SPAST: variants seen among roughly 807,000 people sequenced by gnomAD.
The protein encoded by SPAST is spastin.
SPAST carries 30 observed loss-of-function variants against 76.6 expected under a neutral mutation model. The observed-to-expected ratio is 0.39, with a 90% CI of 0.29 to 0.53. The LOEUF (loss-of-function observed/expected upper bound fraction) is 0.53, where lower values mean the gene tolerates loss of function less well. Among genes scored for constraint, SPAST ranks in the 20% least tolerant of loss-of-function variants. The probability of loss-of-function intolerance (pLI) is 0.68; values close to 1 mark genes in which losing one functional copy is unlikely to be tolerated. For synonymous variants in SPAST, 305 were observed against 281.0 expected (o/e 1.09, Z -0.86); for missense variants, 717 against 770.5 (o/e 0.93, Z 0.82).
intron 9 of SPAST, among the ~76,000 whole-genome samples, chr2:32,136,273 A>G (rs781337872): frequency 1.6e-4 from 25 of 152,160 alleles, no homozygotes; most frequent in Admixed American, 6.5e-4. Context: ...CCCTTTTCTC[A>G]CTAGTTATAT....
intron 16 of SPAST, among the ~76,000 whole-genome samples, chr2:32,150,975 G>A (rs548525888): frequency 8.1e-6 from 1 of 122,712 alleles, no homozygotes; most frequent in African/African-American, 3.1e-5. Context: ...ACTGAGTTTC[G>A]CTGTTGTTGC....
intron 15 of SPAST, among the ~76,000 whole-genome samples, chr2:32,146,704 A>G (rs531119775): frequency 1.3e-5 from 2 of 151,996 alleles, no homozygotes; most frequent in South Asian, 4.1e-4. Context: ...ATCTCTACTG[A>G]AAATACAAAA....
intron 4 of SPAST, among the ~76,000 whole-genome samples, chr2:32,103,435 T>G (rs2148721332): frequency 6.6e-6 from 1 of 152,274 alleles, no homozygotes; most frequent in East Asian, 1.9e-4. Flanking sequence ...ATTCATTGAT[T>G]TTTTGAAAGG....
At chr2:32,081,386 G>A (rs1023105944) in intron 1 of SPAST, among the ~76,000 whole-genome samples, 5 of 152,120 alleles carry the variant, frequency 3.3e-5, no homozygotes, top group East Asian at 1.9e-4. Context: ...GAGCCACCAC[G>A]CCTGGCTGTG....
intron 4 of SPAST, among the ~76,000 whole-genome samples, chr2:32,113,958 T>A (rs555720899): frequency 3.0e-4 from 46 of 151,996 alleles, no homozygotes; most frequent in African/African-American, 8.7e-4. Context: ...TTTTTTTTTT[T>A]ATTTGAGATG....
At chr2:32,083,727 T>C (rs1163415772) in intron 1 of SPAST, among the ~76,000 whole-genome samples, 6 of 70,502 alleles carry the variant, frequency 8.5e-5, no homozygotes, top group Non-Finnish European at 1.7e-4. Context: ...TATATTTATA[T>C]ATACTATATA....
chr2:32,077,414 C>A (rs1360113435), intron 1 of SPAST, among the ~76,000 whole-genome samples: 1 of 152,080 alleles, frequency 6.6e-6, no homozygotes, highest in African/African-American at 2.4e-5. Flanking sequence ...AACAAATTTA[C>A]TAAGTATAAT....
intron 9 of SPAST, among the ~76,000 whole-genome samples, chr2:32,130,809 G>C (rs1048641358): frequency 1.5e-4 from 23 of 151,964 alleles, no homozygotes; most frequent in African/African-American, 5.3e-4. Context: ...AGGCTCAAAG[G>C]ATAATTTTAC....
At chr2:32,094,677 T>A (rs1400259253) in intron 3 of SPAST, among the ~76,000 whole-genome samples, 1 of 152,134 alleles carries the variant, frequency 6.6e-6, no homozygotes, top group East Asian at 1.9e-4. Context: ...TACAAAGATT[T>A]TTAAGAAAGC....
At chr2:32,127,170 T>C (rs1679223690) in intron 8 of SPAST, 148 bp downstream of exon 8, 2 of 694,200 alleles carry the variant, frequency 2.9e-6, no homozygotes, top group Non-Finnish European at 2.6e-6. Context: ...TTGTTTTGTT[T>C]TGTTTTGAGT....
At chr2:32,071,982 G>T (rs919506973) in intron 1 of SPAST, among the ~76,000 whole-genome samples, 2 of 152,320 alleles carry the variant, frequency 1.3e-5, no homozygotes, top group Non-Finnish European at 1.5e-5. Flanking sequence ...AAGCTTTGCA[G>T]GGCCATTTCA....
intron 12 of SPAST, among the ~76,000 whole-genome samples, chr2:32,141,475 G>T (rs1268696462): frequency 6.6e-6 from 1 of 152,192 alleles, no homozygotes; most frequent in Admixed American, 6.5e-5. Context: ...CAGATCCTTT[G>T]TGTGTCTTCC....
chr2:32,117,562 G>A (rs1330334770), intron 7 of SPAST, among the ~76,000 whole-genome samples: 6 of 107,944 alleles, frequency 5.6e-5, no homozygotes, highest in African/African-American at 2.2e-4. Flanking sequence ...ATGGAATTTT[G>A]CTCCTGTTAC....
chr2:32,109,992 ATTAG>A lies in SPAST; in HGVS notation c.683-4642_683-4639del, dbSNP rs558629981. Among the ~76,000 whole-genome samples, 27 of 148,610 alleles carry A rather than the reference ATTAG, an allele frequency of 1.8e-4. No homozygotes were observed. In the East Asian group the frequency reaches 3.1e-3, roughly 17 times the overall value. Reference sequence around the variant, plus strand: ...TATATACATATATAGTTATATATGTATTAGTTATATCAAAATAACTATGTATATA... The same window carrying A: ...TATATACATATATAGTTATATATGTATTATATCAAAATAACTATGTATATA... On this transcript the variant is annotated intron_variant, in intron 4 of 16. Transcript: ENST00000315285.
chr2:32,109,475 G>T (rs188729029), intron 4 of SPAST, among the ~76,000 whole-genome samples: 79 of 151,900 alleles, frequency 5.2e-4, no homozygotes, highest in African/African-American at 1.8e-3. Context: ...TTCCTCTCAC[G>T]TAGCAACCTT....
At chr2:32,125,174 G>A (rs1226452798) in intron 7 of SPAST, among the ~76,000 whole-genome samples, 2 of 151,862 alleles carry the variant, frequency 1.3e-5, no homozygotes, top group Non-Finnish European at 2.9e-5. Context: ...TCAATTTTCT[G>A]TAAACCTAAA....
At chr2:32,084,621 C>T (rs1677396176) in intron 1 of SPAST, among the ~76,000 whole-genome samples, 1 of 151,856 alleles carries the variant, frequency 6.6e-6, no homozygotes, top group African/African-American at 2.4e-5. Flanking sequence ...TGTGGTGGTT[C>T]ATGCCTGTAA....
chr2:32,076,708 C>G (rs1281791603), intron 1 of SPAST, among the ~76,000 whole-genome samples: 1 of 151,450 alleles, frequency 6.6e-6, no homozygotes, highest in Non-Finnish European at 1.5e-5. Context: ...TCTTTGAGAA[C>G]AGGGGCCATA....
intron 1 of SPAST, among the ~76,000 whole-genome samples, chr2:32,074,898 T>C (rs1573045982): frequency 6.6e-6 from 1 of 152,188 alleles, no homozygotes; most frequent in East Asian, 1.9e-4. Context: ...ATATAGGATC[T>C]TGGGCAAGTT....
Sources: gnomAD v4.1 joint callset for allele counts (sites outside exome capture counted in the v4.1 genomes callset) on GRCh38, gnomAD v4.1.1 for gene constraint, MANE v1.5 for transcripts, NCBI Gene and HGNC (gene_info 2026-07-23, HGNC 2026-07-21) for gene names.